The following MCU variants were observed in gnomAD, a reference collection of about 807,000 sequenced individuals.
MCU encodes the protein calcium uniporter protein, mitochondrial.
A neutral mutation model predicts 45.2 loss-of-function variants in MCU; 12 were observed. The ratio of observed to expected loss-of-function variants is 0.27; its 90% CI spans 0.17 to 0.43. MCU has a LOEUF of 0.43. MCU is among the 20% of genes least tolerant of loss of function. The pLI is 1.00. For missense variants in MCU, 324 were observed against 436.7 expected, an observed-to-expected ratio of 0.74 and a Z score of 2.30; for synonymous variants, 160 against 165.1, an observed-to-expected ratio of 0.97 and a Z score of 0.24.
chr10:72,789,147 A>G (rs1039903649), intron 1 of MCU, among the ~76,000 whole-genome samples: 8 of 152,150 alleles, frequency 5.3e-5, no homozygotes, highest in African/African-American at 1.7e-4. Flanking sequence ...TGTAACTTCT[A>G]ATTCCTTTTC....
intron 1 of MCU, among the ~76,000 whole-genome samples, chr10:72,714,345 C>CTGTTTTTTTTTTTTTTTT (rs1842931787): frequency 3.7e-5 from 2 of 54,768 alleles, no homozygotes; most frequent in Non-Finnish European, 7.9e-5. Flanking sequence ...CCGCCCTGGT[C>CTGTTTTTTTTTTTTTTTT]TTTTTTTTTT....
At chr10:72,796,892 C>A (rs1385216093) in intron 1 of MCU, among the ~76,000 whole-genome samples, 3 of 151,848 alleles carry the variant, frequency 2.0e-5, no homozygotes, top group Non-Finnish European at 4.4e-5. Flanking sequence ...GGTGGAATGA[C>A]TTTATTTTCT....
At chr10:72,863,730 C>T (rs565194055) in intron 4 of MCU, among the ~76,000 whole-genome samples, 117 of 152,240 alleles carry the variant, frequency 7.7e-4, no homozygotes, top group South Asian at 1.9e-3. Flanking sequence ...TATTCTCCTC[C>T]CTCAGCCTCC....
intron 1 of MCU, chr10:72,715,883 G>A (rs1025988735): frequency 1.0e-6 from 1 of 985,576 alleles, no homozygotes; most frequent in Non-Finnish European, 1.2e-6. Flanking sequence ...TTCACGCAGG[G>A]GAAACTTGAA....
intron 1 of MCU, among the ~76,000 whole-genome samples, chr10:72,778,290 G>T (rs1214976358): frequency 1.3e-5 from 2 of 152,116 alleles, no homozygotes; most frequent in Non-Finnish European, 2.9e-5. Context: ...CCCATCAATG[G>T]ATGAAAGGAT....
chr10:72,807,161 G>A (rs1304562314), intron 1 of MCU, among the ~76,000 whole-genome samples: 1 of 152,124 alleles, frequency 6.6e-6, no homozygotes, highest in Non-Finnish European at 1.5e-5. Flanking sequence ...AAATTTAGCT[G>A]AGCTTAAAAG....
intron 1 of MCU, chr10:72,692,765 C>T (rs1842639587): frequency 2.2e-6 from 3 of 1,365,288 alleles, no homozygotes; most frequent in Non-Finnish European, 2.8e-6. Flanking sequence ...TGCCATGCTG[C>T]TGGGAGCTGC....
chr10:72,839,171 G>A (rs1232157541), intron 2 of MCU, among the ~76,000 whole-genome samples: 2 of 151,910 alleles, frequency 1.3e-5, no homozygotes, highest in African/African-American at 4.8e-5. Context: ...TGTATTTTTA[G>A]TAGAGAGGGG....
intron 1 of MCU, among the ~76,000 whole-genome samples, chr10:72,779,177 C>T (rs955955923): frequency 4.6e-5 from 7 of 152,074 alleles, no homozygotes; most frequent in African/African-American, 1.7e-4. Context: ...ACCATATTGG[C>T]CAGGATGGTC....
intron 1 of MCU, among the ~76,000 whole-genome samples, chr10:72,706,194 C>G (rs1274205511): frequency 6.7e-6 from 1 of 149,218 alleles, no homozygotes; most frequent in African/African-American, 2.5e-5. Flanking sequence ...CCTTTAGGGA[C>G]TATTGAGCAT....
intron 1 of MCU, among the ~76,000 whole-genome samples, chr10:72,764,423 T>A (rs1843697479): frequency 6.6e-6 from 1 of 152,176 alleles, no homozygotes; most frequent in South Asian, 2.1e-4. Flanking sequence ...TTTTGCAGCA[T>A]TCTAATGTAT....
intron 1 of MCU, among the ~76,000 whole-genome samples, chr10:72,799,015 C>G (rs1844295649): frequency 6.6e-6 from 1 of 152,106 alleles, no homozygotes; most frequent in Admixed American, 6.6e-5. Flanking sequence ...CTGATCTCGG[C>G]TCCCAGGTTC....
chr10:72,780,552 T>TGTGTGTGTGTGTGTGTGTGTGTGTG (rs770728826), intron 1 of MCU, among the ~76,000 whole-genome samples: 26 of 20,318 alleles, frequency 1.3e-3, no homozygotes, highest in Admixed American at 3.1e-3. Context: ...GTGTGTGTGT[T>TGTGTGTGTGTGTGTGTGTGTGTGTG]GGGTGAATTT....
intron 1 of MCU, among the ~76,000 whole-genome samples, chr10:72,707,460 A>T (rs368692811): frequency 5.9e-4 from 90 of 152,208 alleles, no homozygotes; most frequent in African/African-American, 2.0e-3. Flanking sequence ...CGGCCTCCCA[A>T]AGTCTGGGAT....
intron 6 of MCU, among the ~76,000 whole-genome samples, chr10:72,876,291 C>T (rs1845615955): frequency 6.6e-6 from 1 of 152,164 alleles, no homozygotes; most frequent in African/African-American, 2.4e-5. Flanking sequence ...CTCATCCAGA[C>T]CTTTAAGCTA....
chr10:72,806,749 A>C (rs997019465), intron 1 of MCU, among the ~76,000 whole-genome samples: 4 of 152,226 alleles, frequency 2.6e-5, no homozygotes, highest in Admixed American at 2.6e-4. Flanking sequence ...ATTGAATGGA[A>C]AGAGAGGACC....
intron 1 of MCU, among the ~76,000 whole-genome samples, chr10:72,766,245 G>T (rs1843725170): frequency 6.6e-6 from 1 of 152,092 alleles, no homozygotes; most frequent in Non-Finnish European, 1.5e-5. Context: ...CTTTTGTGTG[G>T]CTCTTTTTTC....
At chr10:72,743,842 A>G (rs1172641142) in intron 1 of MCU, among the ~76,000 whole-genome samples, 1 of 152,112 alleles carries the variant, frequency 6.6e-6, no homozygotes, top group African/African-American at 2.4e-5. Flanking sequence ...TGCATAGTAT[A>G]TTTCTATATG....
At position 72,868,773 on chromosome 10, in the gene MCU, A is replaced by G. The variant is rs1012714967; in HGVS notation, c.567A>G (p.Thr189=). ...VKTLVQQLYT[T]LCIEQHQLNK... is the part of the protein sequence containing the mutation. ...CATTGGTCCAGCAACTATACACCAC[A>G]CTGTGCATTGAGCAGCACCAGTTAA... The change falls in exon 5 of 8, where the codon ACA becomes ACG. Residue 189 remains threonine, a synonymous_variant. Coordinates refer to ENST00000373053, the MANE Select transcript of MCU (RefSeq NM_138357.3). 5 of 1,614,010 alleles carry G rather than the reference A, an allele frequency of 3.1e-6. No homozygotes were observed. The East Asian group carries it at 8.9e-5, about 29-fold the overall frequency.
Sources: gnomAD v4.1 joint callset for allele counts (sites outside exome capture counted in the v4.1 genomes callset) on GRCh38, gnomAD v4.1.1 for gene constraint, MANE v1.5 for transcripts, NCBI Gene and HGNC (gene_info 2026-07-23, HGNC 2026-07-21) for gene names.